Variants in NDUFV3 observed in about 807,000 individuals in gnomAD.
The protein encoded by NDUFV3 is NADH:ubiquinone oxidoreductase subunit V3.
NDUFV3 carries 44 observed loss-of-function variants against 37.5 expected under a neutral mutation model. The observed-to-expected ratio is 1.17, with a 90% CI of 0.92 to 1.51. The LOEUF is 1.51. NDUFV3 is among the 40% of genes most tolerant of loss of function. The probability of loss-of-function intolerance (pLI) is 0.00; values close to 1 mark genes in which losing one functional copy is unlikely to be tolerated. For missense variants in NDUFV3, 580 were observed against 580.4 expected (o/e 1.00, Z 0.01); for synonymous variants, 235 against 239.3 (o/e 0.98, Z 0.17).
chr21:42,905,704 C>T (rs910159237), intron 3 of NDUFV3, among the ~76,000 whole-genome samples: 2 of 151,906 alleles, frequency 1.3e-5, no homozygotes, highest in African/African-American at 4.8e-5. Context: ...TTAGTAGAGA[C>T]AGGGTTTTAC....
intron 3 of NDUFV3, among the ~76,000 whole-genome samples, chr21:42,904,566 C>T (rs1224798178): frequency 2.7e-5 from 4 of 148,268 alleles, no homozygotes; most frequent in African/African-American, 7.5e-5. Context: ...TCTCTGCTCA[C>T]TACAACTTCC....
At chr21:42,894,845 A>G (rs2058683844) in intron 1 of NDUFV3, among the ~76,000 whole-genome samples, 1 of 151,998 alleles carries the variant, frequency 6.6e-6, no homozygotes, top group Non-Finnish European at 1.5e-5. Flanking sequence ...TTATATGTGC[A>G]CATACAGGCA....
chr21:42,903,290 G>A lies in NDUFV3; in HGVS notation c.278G>A (p.Gly93Asp). 6.2e-7 allele frequency: 1 copy of A among 1,614,142 alleles called. No individual in the cohort carries two copies. Residue 93 changes from glycine (G) to aspartate (D), a missense_variant, in exon 3 of 4, where the codon GGC becomes GAC. Transcript: ENST00000354250. ...TCTTACCCGCCAGCTGTGAATAAGG[G>A]CAGGAAGGTAGCTAGTCCCAGTCCC... The part of the protein sequence containing the change: ...PSSYPPAVNK[G>D]RKVASPSPSG...
At chr21:42,894,336 A>G (rs1218006775) in intron 1 of NDUFV3, among the ~76,000 whole-genome samples, 1 of 59,090 alleles carries the variant, frequency 1.7e-5, no homozygotes, top group Admixed American at 1.9e-4. Flanking sequence ...AATACATATT[A>G]TATATATTAT....
intron 3 of NDUFV3, chr21:42,906,983 ATG>A (rs2058745010): frequency 4.4e-6 from 2 of 456,432 alleles, no homozygotes; most frequent in Admixed American, 4.9e-5. Flanking sequence ...GAGAAAATAA[ATG>A]TATTTAGGTT....
chr21:42,905,341 C>T (rs1257798505), intron 3 of NDUFV3, among the ~76,000 whole-genome samples: 1 of 152,162 alleles, frequency 6.6e-6, no homozygotes, highest in Non-Finnish European at 1.5e-5. Flanking sequence ...TTTCAGCATC[C>T]TGTGCACAGG....
chr21:42,908,136 G>T (rs949081966), intron 3 of NDUFV3, among the ~76,000 whole-genome samples: 1 of 151,692 alleles, frequency 6.6e-6, no homozygotes, highest in East Asian at 2.0e-4. Flanking sequence ...GTGAAACCCC[G>T]TCTCTACTAA....
rs961209968 is a variant in NDUFV3 at position 42,903,908 on chromosome 21, T to G, written c.896T>G (p.Leu299Trp). 1 of 1,611,678 alleles carries G rather than the reference T, an allele frequency of 6.2e-7. No homozygotes were observed. The highest frequency in any genetic ancestry group is 1.3e-5 in the African/African-American group (1 of 74,862). The part of the protein sequence containing the change: ...GPLPVHTKSG[L>W]SAPPKGSPAP... ...TTACCTGTCCACACAAAATCAGGGTTGTCTGCGCCACCGAAGGGCAGCCCA... is the reference window on the plus strand; with the variant it reads ...TTACCTGTCCACACAAAATCAGGGTGGTCTGCGCCACCGAAGGGCAGCCCA... The change falls in exon 3 of 4, where the codon TTG (leucine) becomes TGG (tryptophan). Residue 299 changes from leucine to tryptophan, a missense_variant. Leu to Trp is a moderately conservative substitution (Grantham distance 61, BLOSUM62 -2). Coordinates refer to ENST00000354250, the MANE Select transcript of NDUFV3 (RefSeq NM_021075.4).
chr21:42,897,686 CT>C (rs553312362), intron 2 of NDUFV3, among the ~76,000 whole-genome samples: 1 of 147,096 alleles, frequency 6.8e-6, no homozygotes, highest in South Asian at 2.2e-4. Context: ...ATCTTTAATT[CT>C]TTTTTTTGAG....
chr21:42,908,226 G>A (rs2058750786), intron 3 of NDUFV3, among the ~76,000 whole-genome samples: 1 of 152,002 alleles, frequency 6.6e-6, no homozygotes, highest in Admixed American at 6.6e-5. Context: ...AGAATCACTT[G>A]AAGCTGGGAG....
At chr21:42,905,426 G>A (rs1462887441) in intron 3 of NDUFV3, among the ~76,000 whole-genome samples, 1 of 152,192 alleles carries the variant, frequency 6.6e-6, no homozygotes, top group East Asian at 1.9e-4. Context: ...CTTTCCCCTG[G>A]ACAGCGTTTC....
chr21:42,913,086 A>T lies in NDUFV3; in HGVS notation c.*4065A>T, dbSNP rs1379374122. 6.6e-6 allele frequency: 1 copy of T among 152,172 alleles called. No homozygotes were observed. The highest frequency in any genetic ancestry group is 1.5e-5 in the Non-Finnish European group (1 of 68,054). 9.4% of individuals were successfully genotyped at this position (152,172 alleles called of 1,614,324 possible). On this transcript the variant is annotated 3_prime_UTR_variant, in exon 4 of 4. Transcript: ENST00000354250. ...CTCAAAAAATAAATTAATTAATTAA[A>T]TTAAATAAGTGGGTGTTTTAAGTGC...
rs966220752 is a variant in NDUFV3 at position 42,904,163 on chromosome 21, C to G, written c.1151C>G (p.Pro384Arg). 4 of 1,614,242 alleles carry G rather than the reference C, an allele frequency of 2.5e-6. No individual in the cohort carries two copies. The highest frequency in any genetic ancestry group is 3.4e-6 in the Non-Finnish European group (4 of 1,180,042). Residue 384 changes from proline (P) to arginine (R), a missense_variant, in exon 3 of 4, where the codon CCT becomes CGT. By Grantham distance (103) the Pro-to-Arg change is moderately radical. Transcript: ENST00000354250. ...CCACCAAGCAATTTGGAGACAGTTC[C>G]TGTTGAGAATAACCACGGTTTCCAT... ...QIPPSNLETVPVENNHGFHEK... is the reference protein window; with the variant it reads ...QIPPSNLETVRVENNHGFHEK...
At position 42,910,768 on chromosome 21, in the gene NDUFV3, A is replaced by G. The variant is rs1469318785; in HGVS notation, c.*1747A>G. 1 of 155,094 alleles carries G rather than the reference A, an allele frequency of 6.4e-6. No individual in the cohort carries two copies. Among genetic ancestry groups the G allele is most frequent in the African/African-American group, 2.4e-5 (1 of 41,478 alleles). The allele number at this position is 155,094 out of a possible 1,614,324, so 9.6% of individuals were successfully genotyped here. ...GCTCCCCGCTGGCCACAGGCACTCA[A>G]TGAGCTATTTTACCTATTTAGGGTT... On this transcript the variant is annotated 3_prime_UTR_variant, in exon 4 of 4. Coordinates refer to ENST00000354250, the MANE Select transcript of NDUFV3 (RefSeq NM_021075.4).
rs1399685485 is a variant in NDUFV3 at position 42,909,809 on chromosome 21, G to C, written c.*788G>C. ...ATTCTCCTGCCTTACTTAGCCTCTTGAGTAGCTGGTACTACAGGCTCACGC... is the reference window on the plus strand; with the variant it reads ...ATTCTCCTGCCTTACTTAGCCTCTTCAGTAGCTGGTACTACAGGCTCACGC... On this transcript the variant is annotated 3_prime_UTR_variant, in exon 4 of 4. Transcript: ENST00000354250. The C allele has an allele frequency of 6.6e-6, 1 of 152,058 alleles. No homozygotes were observed. Among genetic ancestry groups the C allele is most frequent in the African/African-American group, 2.4e-5 (1 of 41,386 alleles). The allele number at this position is 152,058 out of a possible 1,614,324, so 9.4% of individuals were successfully genotyped here.
rs1185376157 is a variant in NDUFV3, at chr21:42,897,039, C to T, written c.161C>T (p.Pro54Leu). ...GQPQNSKKQS[P>L]PKNVVEPKER... ...CCACAGAATTCCAAGAAGCAAAGTCCACCAAAAAGTAAGATTTTGATGGTA... is the reference window on the plus strand; with the variant it reads ...CCACAGAATTCCAAGAAGCAAAGTCTACCAAAAAGTAAGATTTTGATGGTA... Residue 54 changes from proline to leucine, a missense_variant, in exon 2 of 4, where the codon CCA becomes CTA. By Grantham distance (98) the Pro-to-Leu change is moderately conservative. Transcript: ENST00000354250. The T allele has an allele frequency of 6.2e-7, 1 of 1,613,598 alleles. No individual in the cohort carries two copies. Among genetic ancestry groups the T allele is most frequent in the Non-Finnish European group, 8.5e-7 (1 of 1,179,902 alleles).
rs758563111 is a variant in NDUFV3 at position 42,908,905 on chromosome 21, T to C, written c.1306T>C (p.Tyr436His). 1.2e-6 allele frequency: 2 copies of C among 1,614,020 alleles called. No homozygotes were observed. Among genetic ancestry groups the C allele is most frequent in the African/African-American group, 2.7e-5 (2 of 74,906 alleles). Residue 436 changes from tyrosine (Y) to histidine (H), a missense_variant, in exon 4 of 4, where the codon TAC (tyrosine) becomes CAC (histidine). Tyr to His is a moderately conservative substitution (Grantham distance 83). Coordinates refer to ENST00000354250, the MANE Select transcript of NDUFV3 (RefSeq NM_021075.4). ...TGCTGAGCCGTTTGACAACACTACCTACAAGAACCTGCAGCATCATGACTA... is the reference window on the plus strand; with the variant it reads ...TGCTGAGCCGTTTGACAACACTACCCACAAGAACCTGCAGCATCATGACTA... The part of the protein sequence containing the change: ...VPAEPFDNTT[Y>H]KNLQHHDYST...
intron 2 of NDUFV3, 29 bp from the exon 3 acceptor site, chr21:42,903,153 A>C (rs755177818): frequency 1.2e-6 from 2 of 1,614,054 alleles, no homozygotes; most frequent in Non-Finnish European, 1.7e-6. Flanking sequence ...GTTTTGTTAA[A>C]TAACATTCCT....
intron 2 of NDUFV3, among the ~76,000 whole-genome samples, chr21:42,900,121 C>T (rs930428682): frequency 6.6e-6 from 1 of 152,022 alleles, no homozygotes; most frequent in Non-Finnish European, 1.5e-5. Context: ...ATCATTTGAG[C>T]CCAGGAGGTC....
Sources: allele counts gnomAD v4.1 joint callset (sites outside exome capture counted in the v4.1 genomes callset), GRCh38; gene constraint gnomAD v4.1.1; transcripts MANE v1.5; gene names NCBI Gene and HGNC (gene_info 2026-07-23, HGNC 2026-07-21).